ABR: variants seen among roughly 807,000 people sequenced by gnomAD.
The protein encoded by ABR is ABR activator of RhoGEF and GTPase, also known as active breakpoint cluster region-related protein.
ABR carries 35 observed loss-of-function variants against 107.2 expected under a neutral mutation model. That is an observed-to-expected ratio of 0.33 (90% CI 0.25 to 0.43). The LOEUF (loss-of-function observed/expected upper bound fraction) is 0.43, where lower values mean the gene tolerates loss of function less well. ABR is among the 20% of genes least tolerant of loss of function. ABR has a pLI of 1.00. For synonymous variants in ABR, 498 were observed against 462.0 expected (o/e 1.08, Z -1.00); for missense variants, 815 against 1,115.2 (o/e 0.73, Z 3.83).
At chr17:1,055,531 CTT>C (rs768195007) in intron 14 of ABR, 37 of 142,766 alleles carry the variant, frequency 2.6e-4, no homozygotes, top group African/African-American at 6.7e-4. Flanking sequence ...CACTCGGTTT[CTT>C]TTTTTTTTTT....
chr17:1,108,954 G>A, intron 2 of ABR: 2 of 1,595,880 alleles, frequency 1.3e-6, no homozygotes, highest in Non-Finnish European at 1.7e-6. Context: ...ACCAGGAAGG[G>A]GGACCCTGAG....
chr17:1,117,929 T>C (rs371675452), intron 2 of ABR, among the ~76,000 whole-genome samples: 1 of 80,820 alleles, frequency 1.2e-5, no homozygotes, highest in African/African-American at 5.1e-5. Flanking sequence ...GAGCCTGAGT[T>C]CCTCCCAGCG....
At chr17:1,039,142 T>G (rs1459607019) in intron 16 of ABR, among the ~76,000 whole-genome samples, 1 of 152,184 alleles carries the variant, frequency 6.6e-6, no homozygotes, top group Non-Finnish European at 1.5e-5. Context: ...TCTCAGGGCC[T>G]GACTGCATCG....
At chr17:1,171,866 G>A (rs141437278) in intron 1 of ABR, among the ~76,000 whole-genome samples, 2,173 of 152,250 alleles carry the variant, frequency 0.014, 66 homozygotes, top group African/African-American at 0.05. Flanking sequence ...GGAGGCGGAG[G>A]TTGCAGTGAG....
chr17:1,125,225 C>A lies in ABR; in HGVS notation c.204G>T (p.Gly68=). 6.2e-7 allele frequency: 1 copy of A among 1,606,408 alleles called. No homozygotes were observed. Among genetic ancestry groups the A allele is most frequent in the East Asian group, 2.2e-5 (1 of 44,602 alleles). Residue 68 remains glycine, a synonymous_variant, in exon 2 of 23, where the codon GGG becomes GGT. Transcript: ENST00000302538. ...PQLSARSQGG[G]DGVSPTPPEG... ...CAGGTGGAGTCGGGGAGACGCCATC[C>A]CCCCCGCCCTGGCTGCGGGCGCTGA...
At position 1,125,151 on chromosome 17, in the gene ABR, C is replaced by A. The variant is rs780416265; in HGVS notation, c.246+32G>T. Reference sequence around the variant, plus strand: ...GCCCAGGCCTTCCCGTCACCCCTCCCCAAACCCAGAAAGAAAAGCCGGTGT... The same window carrying A: ...GCCCAGGCCTTCCCGTCACCCCTCCACAAACCCAGAAAGAAAAGCCGGTGT... On this transcript the variant is annotated intron_variant, in intron 2 of 22. Transcript: ENST00000302538. 8 of 1,538,270 alleles carry A rather than the reference C, an allele frequency of 5.2e-6. No homozygotes were observed. The African/African-American group carries it at 9.6e-5, about 19-fold the overall frequency.
At chr17:1,135,117 G>A (rs2040001323) in intron 1 of ABR, among the ~76,000 whole-genome samples, 1 of 152,162 alleles carries the variant, frequency 6.6e-6, no homozygotes, top group South Asian at 2.1e-4. Context: ...GCTTGGCAGT[G>A]GCACCCAGTG....
In ABR at chr17:1,027,895, G is replaced by A. The variant is rs538614909; in HGVS notation, c.1792-14731C>T. Among the ~76,000 whole-genome samples, 231 of 152,196 alleles carry A rather than the reference G, an allele frequency of 1.5e-3. 2 individuals are homozygous for A. The highest frequency in any genetic ancestry group is 3.1e-3 in the South Asian group (15 of 4,798). ...CGCCCAGACTGGATTATAAAATAAA[G>A]TAGACGAGCCCAAGACATATCTGTA... On this transcript the variant is annotated intron_variant, in intron 16 of 22. Transcript: ENST00000302538. The surrounding 1 kb of genome is among the most constrained non-coding windows in gnomAD (Gnocchi z 4.7).
At chr17:1,223,764 G>T (rs529931301) in intron 1 of ABR, among the ~76,000 whole-genome samples, 2 of 152,102 alleles carry the variant, frequency 1.3e-5, no homozygotes, top group Non-Finnish European at 2.9e-5. Flanking sequence ...TTCACAAGGC[G>T]GCAGGAGAGC....
chr17:1,082,705 T>C (rs369078914), intron 5 of ABR, among the ~76,000 whole-genome samples: 1 of 152,198 alleles, frequency 6.6e-6, no homozygotes, highest in African/African-American at 2.4e-5. Flanking sequence ...GTCATAAATA[T>C]TACCCAGAAG....
rs2258742 is a variant in ABR, at chr17:1,124,176, G to T, written c.246+1007C>A. On this transcript the variant is annotated intron_variant, in intron 2 of 22. Coordinates refer to ENST00000302538, the MANE Select transcript of ABR (RefSeq NM_021962.5). ...TCTGTGGGGGGTGGAGGGTGGCCGG[G>T]GGGGCTGGAAGGAGCAGGGGGTTCT... Among the ~76,000 whole-genome samples, 28 of 151,920 alleles carry T rather than the reference G, an allele frequency of 1.8e-4. No individual in the cohort carries two copies. The East Asian group carries it at 3.9e-3, about 21-fold the overall frequency.
chr17:1,130,087 C>T (rs1004325896), intron 1 of ABR, among the ~76,000 whole-genome samples: 2 of 152,166 alleles, frequency 1.3e-5, no homozygotes, highest in Non-Finnish European at 2.9e-5. Context: ...AATGGGTGTT[C>T]ACTGTGAATT....
intron 16 of ABR, among the ~76,000 whole-genome samples, chr17:1,024,393 T>C (rs1012344136): frequency 3.9e-5 from 6 of 152,224 alleles, no homozygotes; most frequent in African/African-American, 9.6e-5. Context: ...GGTGAGAGCC[T>C]GCGCTGAGGC....
intron 21 of ABR, 94 bp from the exon 22 acceptor site, chr17:1,007,406 G>T: frequency 6.8e-7 from 1 of 1,474,774 alleles, no homozygotes. Context: ...ACTCCTGAAG[G>T]ACTCCTGGAA....
At chr17:1,155,737 G>T (rs187223099) in intron 1 of ABR, among the ~76,000 whole-genome samples, 3 of 151,970 alleles carry the variant, frequency 2.0e-5, no homozygotes, top group African/African-American at 7.3e-5. Flanking sequence ...AGGCCGAGGC[G>T]GGCAGATCAC....
At chr17:1,105,589 T>TTGGGC (rs1246460772) in intron 2 of ABR, among the ~76,000 whole-genome samples, 1 of 152,034 alleles carries the variant, frequency 6.6e-6, no homozygotes, top group Non-Finnish European at 1.5e-5. Flanking sequence ...TGGCACAGAA[T>TTGGGC]TGGGCTGGGC....
chr17:1,082,990 G>C (rs764809046), intron 5 of ABR, among the ~76,000 whole-genome samples: 52 of 152,002 alleles, frequency 3.4e-4, no homozygotes, highest in Non-Finnish European at 5.9e-4. Flanking sequence ...CAGGCGTGGT[G>C]GTGTGCGCCT....
At chr17:1,202,597 C>G (rs1367977014) in intron 1 of ABR, among the ~76,000 whole-genome samples, 2 of 152,286 alleles carry the variant, frequency 1.3e-5, no homozygotes, top group East Asian at 3.9e-4. Flanking sequence ...CCAGCTGCCC[C>G]CTTTTCACAT....
chr17:1,094,315 G>C (rs2037250631), intron 3 of ABR, among the ~76,000 whole-genome samples: 4 of 152,078 alleles, frequency 2.6e-5, no homozygotes, highest in Non-Finnish European at 5.9e-5. Flanking sequence ...ATACAGCCAT[G>C]CGCTACCTAC....
Sources: gnomAD v4.1 joint callset for allele counts (sites outside exome capture counted in the v4.1 genomes callset) on GRCh38, gnomAD v4.1.1 for gene constraint, Gnocchi (gnomAD v3.1) non-coding constraint, MANE v1.5 for transcripts, NCBI Gene and HGNC (gene_info 2026-07-23, HGNC 2026-07-21) for gene names.